The following LMNTD1 variants were observed in gnomAD, a reference collection of about 807,000 sequenced individuals.
The protein encoded by LMNTD1 is lamin tail domain-containing protein 1.
A neutral mutation model predicts 50.9 loss-of-function variants in LMNTD1; 35 were observed. The observed-to-expected ratio is 0.69, with a 90% CI of 0.53 to 0.91. The LOEUF (loss-of-function observed/expected upper bound fraction) is 0.91. LMNTD1 is among the 40% of genes least tolerant of loss of function. The pLI, the probability that LMNTD1 is intolerant of heterozygous loss-of-function variation, is 0.00. For missense variants in LMNTD1, 470 were observed against 475.5 expected, an observed-to-expected ratio of 0.99 and a Z score of 0.11; for synonymous variants, 153 against 161.9, an observed-to-expected ratio of 0.94 and a Z score of 0.42.
chr12:25,587,316 C>G (rs899246195), intron 1 of LMNTD1, among the ~76,000 whole-genome samples: 1 of 152,200 alleles, frequency 6.6e-6, no homozygotes, highest in African/African-American at 2.4e-5. Flanking sequence ...GAAAAGAGGT[C>G]TAATTGGCTC....
intron 4 of LMNTD1, among the ~76,000 whole-genome samples, chr12:25,544,942 T>C (rs1281782106): frequency 6.6e-6 from 1 of 151,860 alleles, no homozygotes; most frequent in African/African-American, 2.4e-5. Context: ...CTTAGCAGAC[T>C]GCTATAGCTA....
chr12:25,502,008 C>G (rs779952022), intron 9 of LMNTD1, among the ~76,000 whole-genome samples: 14 of 151,846 alleles, frequency 9.2e-5, no homozygotes, highest in Non-Finnish European at 1.5e-4. Context: ...CTTAGGAGGC[C>G]CAGAACTTTT....
intron 1 of LMNTD1, among the ~76,000 whole-genome samples, chr12:25,630,962 G>C (rs189064563): frequency 1.5e-3 from 221 of 152,286 alleles, no homozygotes; most frequent in African/African-American, 4.5e-3. Context: ...GCTCTTAGTC[G>C]GGGCAGAGTG....
At chr12:25,542,964 T>C (rs1290857014) in intron 4 of LMNTD1, among the ~76,000 whole-genome samples, 1 of 151,808 alleles carries the variant, frequency 6.6e-6, no homozygotes, top group Non-Finnish European at 1.5e-5. Flanking sequence ...ATAAAGATTC[T>C]ACAGTTCTTA....
At chr12:25,510,554 T>C (rs1940189032) in intron 8 of LMNTD1, among the ~76,000 whole-genome samples, 1 of 152,136 alleles carries the variant, frequency 6.6e-6, no homozygotes, top group African/African-American at 2.4e-5. Context: ...CATCATCTCC[T>C]TTTGGGATTC....
At chr12:25,501,332 C>A (rs1260640991) in intron 9 of LMNTD1, among the ~76,000 whole-genome samples, 2 of 152,112 alleles carry the variant, frequency 1.3e-5, no homozygotes, top group Non-Finnish European at 1.5e-5. Flanking sequence ...CTGTAATTGG[C>A]ATTCTGTTAA....
chr12:25,486,546 A>G (rs1170285876), intron 9 of LMNTD1, among the ~76,000 whole-genome samples: 1 of 140,208 alleles, frequency 7.1e-6, no homozygotes, highest in African/African-American at 2.6e-5. Flanking sequence ...ACCATGTTGA[A>G]TAGGAGTGGT....
chr12:25,560,756 T>C (rs1592017333), intron 1 of LMNTD1, among the ~76,000 whole-genome samples: 1 of 152,338 alleles, frequency 6.6e-6, no homozygotes, highest in East Asian at 1.9e-4. Context: ...ACATCCCTTA[T>C]AAGTTGGATT....
intron 9 of LMNTD1, among the ~76,000 whole-genome samples, 184 bp from the exon 10 acceptor site, chr12:25,476,644 G>A (rs1258159086): frequency 6.6e-6 from 1 of 152,148 alleles, no homozygotes; most frequent in Non-Finnish European, 1.5e-5. Context: ...ACTGACCAAA[G>A]GTTGCATGGA....
At chr12:25,559,111 A>G (rs970220606) in intron 1 of LMNTD1, among the ~76,000 whole-genome samples, 4 of 152,020 alleles carry the variant, frequency 2.6e-5, no homozygotes, top group Non-Finnish European at 4.4e-5. Context: ...TTTGTTACAT[A>G]TGCATACACA....
At chr12:25,527,709 C>T (rs746489584) in intron 4 of LMNTD1, among the ~76,000 whole-genome samples, 19,521 of 124,288 alleles carry the variant, frequency 0.16, 2,379 homozygotes, top group East Asian at 0.24. Flanking sequence ...CACACACACA[C>T]ACACACACAC....
At chr12:25,583,493 C>T (rs759855297) in intron 1 of LMNTD1, among the ~76,000 whole-genome samples, 2 of 152,164 alleles carry the variant, frequency 1.3e-5, no homozygotes, top group African/African-American at 2.4e-5. Flanking sequence ...TATAGGAACA[C>T]AGATTTTATT....
chr12:25,630,170 C>T (rs920830534), intron 1 of LMNTD1, among the ~76,000 whole-genome samples: 1 of 152,090 alleles, frequency 6.6e-6, no homozygotes, highest in Non-Finnish European at 1.5e-5. Flanking sequence ...GAAACTTAAC[C>T]CAACCAGCTA....
intron 1 of LMNTD1, among the ~76,000 whole-genome samples, chr12:25,579,827 G>A (rs560654699): frequency 6.6e-5 from 10 of 151,874 alleles, no homozygotes; most frequent in Admixed American, 2.0e-4. Flanking sequence ...CAACAATACC[G>A]GTATAGACTC....
chr12:25,612,119 T>G (rs1946257594), intron 1 of LMNTD1, among the ~76,000 whole-genome samples: 1 of 152,188 alleles, frequency 6.6e-6, no homozygotes, highest in South Asian at 2.1e-4. Context: ...GGCTTTTCAC[T>G]GCCAACTAAA....
chr12:25,622,885 G>C (rs921561351), intron 1 of LMNTD1, among the ~76,000 whole-genome samples: 1 of 134,720 alleles, frequency 7.4e-6, no homozygotes, highest in African/African-American at 2.9e-5. Context: ...AAGACATTTT[G>C]CCAGGATGGC....
intron 1 of LMNTD1, among the ~76,000 whole-genome samples, chr12:25,635,708 A>G (rs1193852938): frequency 6.6e-6 from 1 of 152,190 alleles, no homozygotes; most frequent in Non-Finnish European, 1.5e-5. Context: ...ACAAATCTGG[A>G]AGCATCACAC....
intron 1 of LMNTD1, among the ~76,000 whole-genome samples, chr12:25,583,778 G>A (rs1419274568): frequency 6.6e-6 from 1 of 152,176 alleles, no homozygotes; most frequent in African/African-American, 2.4e-5. Flanking sequence ...AAATGAGTGA[G>A]AGGCGAAGGA....
intron 8 of LMNTD1, among the ~76,000 whole-genome samples, chr12:25,513,499 G>A (rs1352721323): frequency 6.6e-6 from 1 of 152,142 alleles, no homozygotes; most frequent in African/African-American, 2.4e-5. Context: ...AGCTGGGTGT[G>A]GTGGCGTACA....
Sources: gnomAD v4.1 joint callset for allele counts (sites outside exome capture counted in the v4.1 genomes callset) on GRCh38, gnomAD v4.1.1 for gene constraint, MANE v1.5 for transcripts, NCBI Gene and HGNC (gene_info 2026-07-23, HGNC 2026-07-21) for gene names.